Variants in ACAD11 observed in about 807,000 individuals in gnomAD.
ACAD11 encodes acyl-CoA dehydrogenase family member 11.
A neutral mutation model predicts 102.2 loss-of-function variants in ACAD11; 83 were observed. The ratio of observed to expected loss-of-function variants is 0.81; its 90% CI spans 0.68 to 0.97. ACAD11 has a LOEUF of 0.97. ACAD11 is among the 50% of genes least tolerant of loss of function. The probability of loss-of-function intolerance (pLI) is 0.00; values close to 1 mark genes in which losing one functional copy is unlikely to be tolerated. For missense variants in ACAD11, 901 were observed against 951.7 expected (o/e 0.95, Z 0.70); for synonymous variants, 324 against 319.8 (o/e 1.01, Z -0.14).
chr3:132,644,795 A>G lies in ACAD11; in HGVS notation c.249+2T>C. On this transcript the variant is annotated splice_donor_variant, in intron 2 of 19. Coordinates refer to ENST00000264990, the MANE Select transcript of ACAD11 (RefSeq NM_032169.5). LOFTEE classifies it high-confidence loss of function. ...ATTTATCATTACATTTGTATACTATACCTGATGTGCTTTAGGAAGAAGTGA... is the reference window on the plus strand; with the variant it reads ...ATTTATCATTACATTTGTATACTATGCCTGATGTGCTTTAGGAAGAAGTGA... The G allele has an allele frequency of 6.3e-7, 1 of 1,592,334 alleles. No homozygotes were observed. The highest frequency in any genetic ancestry group is 1.3e-5 in the African/African-American group (1 of 74,426).
intron 17 of ACAD11, among the ~76,000 whole-genome samples, chr3:132,574,763 T>A (rs1215300979): frequency 1.3e-5 from 2 of 152,208 alleles, no homozygotes; most frequent in East Asian, 3.8e-4. Context: ...GTGGATATCC[T>A]ACTTCTCTGT....
chr3:132,572,312 A>G (rs75537912), intron 17 of ACAD11, among the ~76,000 whole-genome samples: 13,930 of 152,104 alleles, frequency 0.092, 797 homozygotes, highest in Middle Eastern at 0.13. Flanking sequence ...AAAAGAATAA[A>G]ATACCTAGGA....
At position 132,588,320 on chromosome 3, in the gene ACAD11, T is replaced by A. The variant is rs529086640; in HGVS notation, c.1622-8762A>T. 3.3e-5 allele frequency among the ~76,000 whole-genome samples: 5 copies of A among 152,298 alleles called. No homozygotes were observed. The South Asian group carries it at 1.0e-3, about 32-fold the overall frequency. On this transcript the variant is annotated intron_variant, in intron 13 of 19. Transcript: ENST00000264990. Reference sequence around the variant, plus strand: ...GACTAGCGTAGAACTCCCCCAGAGTTCTTACCTTTAAACTTTGCCAAAAAT... The same window carrying A: ...GACTAGCGTAGAACTCCCCCAGAGTACTTACCTTTAAACTTTGCCAAAAAT...
intron 5 of ACAD11, 50 bp downstream of exon 5, chr3:132,639,442 G>A (rs1228702548): frequency 6.4e-7 from 1 of 1,563,886 alleles, no homozygotes; most frequent in Admixed American, 1.8e-5. Flanking sequence ...ACTTAGTACT[G>A]TGTCACAAAA....
At chr3:132,568,430 T>C (rs1937273590) in intron 17 of ACAD11, among the ~76,000 whole-genome samples, 3 of 152,136 alleles carry the variant, frequency 2.0e-5, no homozygotes, top group Admixed American at 1.3e-4. Flanking sequence ...ATATACCAGG[T>C]TCACAGAATA....
At chr3:132,561,650 G>A (rs1194849038) in intron 17 of ACAD11, among the ~76,000 whole-genome samples, 1 of 152,126 alleles carries the variant, frequency 6.6e-6, no homozygotes, top group African/African-American at 2.4e-5. Context: ...TTTCAGTGTG[G>A]GGACAGTTCA....
rs1938123716 is a variant in ACAD11 at position 132,592,574 on chromosome 3, G to A, written c.1621+10655C>T. Among the ~76,000 whole-genome samples, 2 of 151,992 alleles carry A rather than the reference G, an allele frequency of 1.3e-5. 1 individual carries two copies. The highest frequency in any genetic ancestry group is 4.1e-4 in the South Asian group (2 of 4,820). ...CTAACAAAAGGAGAGATGATAGGTG[G>A]ATAAAAAAACATGACCTTTGAGTAT... On this transcript the variant is annotated intron_variant, in intron 13 of 19. Transcript: ENST00000264990.
intron 13 of ACAD11, among the ~76,000 whole-genome samples, chr3:132,599,847 G>C (rs908188685): frequency 2.0e-5 from 3 of 152,016 alleles, no homozygotes; most frequent in African/African-American, 7.2e-5. Flanking sequence ...GTGAAATTTA[G>C]TGCAAATGCT....
chr3:132,650,164 G>C (rs1940880712), intron 1 of ACAD11: 1 of 152,206 alleles, frequency 6.6e-6, no homozygotes, highest in Non-Finnish European at 1.5e-5. Flanking sequence ...CAGAATCAAA[G>C]ATGAAGTCAA....
intron 13 of ACAD11, among the ~76,000 whole-genome samples, chr3:132,580,936 G>A (rs1470114427): frequency 6.6e-6 from 1 of 151,918 alleles, no homozygotes; most frequent in Non-Finnish European, 1.5e-5. Context: ...TAACATCAGA[G>A]TAAAAGGAGT....
At chr3:132,585,295 A>G (rs1278710660) in intron 13 of ACAD11, among the ~76,000 whole-genome samples, 1 of 152,266 alleles carries the variant, frequency 6.6e-6, no homozygotes, top group Non-Finnish European at 1.5e-5. Flanking sequence ...AGCCATATGT[A>G]GAAAGCTGAA....
intron 17 of ACAD11, among the ~76,000 whole-genome samples, chr3:132,567,068 T>C (rs999067744): frequency 1.3e-5 from 2 of 152,166 alleles, no homozygotes; most frequent in Non-Finnish European, 2.9e-5. Context: ...AACCTCCGCC[T>C]CCTGGGTTTA....
intron 1 of ACAD11, among the ~76,000 whole-genome samples, chr3:132,659,309 G>T (rs1937996210): frequency 6.6e-6 from 1 of 152,208 alleles, no homozygotes; most frequent in South Asian, 2.1e-4. Flanking sequence ...AGAATTTGTA[G>T]CCTTAATTGC....
intron 11 of ACAD11, among the ~76,000 whole-genome samples, chr3:132,607,642 G>T (rs1449525405): frequency 6.6e-6 from 1 of 152,064 alleles, no homozygotes; most frequent in Admixed American, 6.5e-5. Context: ...ACCAAACCTA[G>T]GTTTGACTGG....
chr3:132,586,347 G>T (rs564318917), intron 13 of ACAD11, among the ~76,000 whole-genome samples: 5 of 152,084 alleles, frequency 3.3e-5, no homozygotes, highest in African/African-American at 1.2e-4. Context: ...GTTGTGGGGT[G>T]GGGGGAGGCA....
intron 1 of ACAD11, chr3:132,645,930 T>C (rs1272367236): frequency 6.6e-6 from 1 of 152,176 alleles, no homozygotes; most frequent in African/African-American, 2.4e-5. Flanking sequence ...GCTGTCTTTA[T>C]TGATATAGAA....
rs373477834 is a variant in ACAD11 at position 132,605,208 on chromosome 3, A to T, written c.1415-3T>A. The T allele has an allele frequency of 3.7e-6, 6 of 1,603,076 alleles. No individual in the cohort carries two copies. The highest frequency in any genetic ancestry group is 4.3e-6 in the Non-Finnish European group (5 of 1,171,600). ...CAGAACCTCCATATTCCCTGTGTCT[A>T]CACATAAAGAAGGAGTATTTGTTTT... On this transcript the variant is annotated splice_region_variant and splice_polypyrimidine_tract_variant and intron_variant, in intron 11 of 19. Transcript: ENST00000264990.
intron 13 of ACAD11, among the ~76,000 whole-genome samples, chr3:132,581,810 A>G (rs1043515260): frequency 4.7e-5 from 7 of 148,416 alleles, no homozygotes; most frequent in Admixed American, 1.3e-4. Context: ...CATCAGTTAC[A>G]GAAGGACACA....
chr3:132,642,741 G>C lies in ACAD11; in HGVS notation c.311C>G (p.Pro104Arg). The change falls in exon 3 of 20, where the codon CCT becomes CGT. Residue 104 changes from proline (P) to arginine (R), a missense_variant. Coordinates refer to ENST00000264990, the MANE Select transcript of ACAD11 (RefSeq NM_032169.5). ...AGAAGTATCACTGCAGTACAGTATA[G>C]GCTTGGGAACGGGGAATCCAATTGA... ...LFSIGFPVPKPILYCSDTSVI... is the reference protein window; with the variant it reads ...LFSIGFPVPKRILYCSDTSVI... 1 of 1,613,530 alleles carries C rather than the reference G, an allele frequency of 6.2e-7. No individual in the cohort carries two copies. The highest frequency in any genetic ancestry group is 1.3e-5 in the African/African-American group (1 of 75,026).
Sources: allele counts gnomAD v4.1 joint callset (sites outside exome capture counted in the v4.1 genomes callset), GRCh38; gene constraint gnomAD v4.1.1; transcripts MANE v1.5; gene names NCBI Gene and HGNC (gene_info 2026-07-23, HGNC 2026-07-21).